PRKACB: variants seen among roughly 807,000 people sequenced by gnomAD.
PRKACB encodes the protein cAMP-dependent protein kinase catalytic subunit beta.
In PRKACB, 16 loss-of-function variants were observed where a neutral mutation model predicts 51.4. The ratio of observed to expected loss-of-function variants is 0.31; its 90% CI spans 0.21 to 0.47. The LOEUF (loss-of-function observed/expected upper bound fraction) is 0.47, where lower values mean the gene tolerates loss of function less well. Ranked by LOEUF, PRKACB falls within the 20% of genes least tolerant of loss-of-function variation. The pLI is 1.00. For synonymous variants in PRKACB, 147 were observed against 154.4 expected (o/e 0.95, Z 0.35); for missense variants, 309 against 464.5 (o/e 0.67, Z 3.08).
intron 1 of PRKACB, among the ~76,000 whole-genome samples, chr1:84,107,819 A>T (rs1649902779): frequency 6.6e-6 from 1 of 152,162 alleles, no homozygotes; most frequent in Non-Finnish European, 1.5e-5. Flanking sequence ...GCTATTATTA[A>T]AGAGTAAAAA....
intron 1 of PRKACB, among the ~76,000 whole-genome samples, chr1:84,119,148 G>C (rs1170779229): frequency 6.6e-6 from 1 of 152,016 alleles, no homozygotes; most frequent in African/African-American, 2.4e-5. Context: ...CTTACAGTAT[G>C]AATATGATTT....
In PRKACB at chr1:84,214,256, G is replaced by T. The variant is rs1672551524; in HGVS notation, c.1010G>T (p.Ser337Ile). The T allele has an allele frequency of 6.2e-7, 1 of 1,613,358 alleles. No individual in the cohort carries two copies. Among genetic ancestry groups the T allele is most frequent in the African/African-American group, 1.3e-5 (1 of 74,996 alleles). ...KRFGNLKNGV[S>I]DIKTHKWFAT... ...TTTGGAAATCTAAAGAATGGTGTCAGTGATATAAAAACTCACAAGTGGTTT... is the reference window on the plus strand; with the variant it reads ...TTTGGAAATCTAAAGAATGGTGTCATTGATATAAAAACTCACAAGTGGTTT... Residue 337 changes from serine (S) to isoleucine (I), a missense_variant, in exon 9 of 10, where the codon AGT becomes ATT. By Grantham distance (142) the Ser-to-Ile change is moderately radical. Around this residue, in one of 3 missense-constraint regions of PRKACB, gnomAD observed 96 missense variants for 129.9 expected, o/e 0.74. Coordinates refer to ENST00000370685, the MANE Select transcript of PRKACB (RefSeq NM_182948.4).
At chr1:84,218,534 A>G (rs1420689746) in intron 9 of PRKACB, among the ~76,000 whole-genome samples, 1 of 151,976 alleles carries the variant, frequency 6.6e-6, no homozygotes, top group Non-Finnish European at 1.5e-5. Context: ...TATATATTAC[A>G]TTTTCTGTAC....
chr1:84,099,158 C>T (rs545147138), intron 1 of PRKACB, among the ~76,000 whole-genome samples: 2 of 152,028 alleles, frequency 1.3e-5, no homozygotes, highest in South Asian at 4.2e-4. Context: ...CAATTAACTA[C>T]AAATAATCCA....
intron 9 of PRKACB, among the ~76,000 whole-genome samples, chr1:84,220,211 T>G (rs1402860697): frequency 6.6e-6 from 1 of 152,186 alleles, no homozygotes; most frequent in Non-Finnish European, 1.5e-5. Context: ...TTTATTTTTT[T>G]GTAGCTATTA....
chr1:84,094,427 T>C (rs1202659542), intron 1 of PRKACB, among the ~76,000 whole-genome samples: 7 of 151,996 alleles, frequency 4.6e-5, no homozygotes, highest in Admixed American at 2.6e-4. Context: ...TAATAGTGAA[T>C]TTGGTTTGCT....
intron 9 of PRKACB, among the ~76,000 whole-genome samples, chr1:84,225,842 G>A (rs1250565954): frequency 6.6e-6 from 1 of 152,160 alleles, no homozygotes; most frequent in African/African-American, 2.4e-5. Flanking sequence ...GTCCCAGCTA[G>A]GCCAGCTGCT....
intron 9 of PRKACB, among the ~76,000 whole-genome samples, chr1:84,229,720 T>C (rs1339001578): frequency 1.3e-5 from 2 of 150,580 alleles, no homozygotes; most frequent in African/African-American, 4.8e-5. Flanking sequence ...TTTGGCTGCA[T>C]AAATGTCTTC....
chr1:84,202,458 C>T (rs1341088063), intron 7 of PRKACB, among the ~76,000 whole-genome samples: 1 of 152,002 alleles, frequency 6.6e-6, no homozygotes, highest in African/African-American at 2.4e-5. Context: ...AGATTTAATA[C>T]TCTTTCCTAA....
intron 1 of PRKACB, among the ~76,000 whole-genome samples, chr1:84,129,752 T>G (rs1219761952): frequency 6.6e-6 from 1 of 152,166 alleles, no homozygotes; most frequent in Non-Finnish European, 1.5e-5. Context: ...AAAGTAGCTG[T>G]AGAAAGACTT....
chr1:84,106,255 G>C (rs1649738353), intron 1 of PRKACB, among the ~76,000 whole-genome samples: 1 of 151,990 alleles, frequency 6.6e-6, no homozygotes, highest in South Asian at 2.1e-4. Context: ...TGGAAGTCCT[G>C]GCCAGAACAA....
At chr1:84,108,679 G>A (rs977885892) in intron 1 of PRKACB, among the ~76,000 whole-genome samples, 3 of 152,010 alleles carry the variant, frequency 2.0e-5, no homozygotes, top group Non-Finnish European at 4.4e-5. Context: ...TAGTTGTTAA[G>A]TAATGTGCCC....
At chr1:84,211,354 AT>A (rs1558292911) in intron 8 of PRKACB, among the ~76,000 whole-genome samples, 1 of 152,152 alleles carries the variant, frequency 6.6e-6, no homozygotes, top group Non-Finnish European at 1.5e-5. Context: ...CACAAATTTA[AT>A]CTTAAATATA....
intron 1 of PRKACB, among the ~76,000 whole-genome samples, chr1:84,088,462 T>C (rs111298830): frequency 1.3e-4 from 20 of 152,312 alleles, no homozygotes; most frequent in African/African-American, 4.1e-4. Context: ...TCTTCTTAAG[T>C]AGATGACCAT....
intron 5 of PRKACB, among the ~76,000 whole-genome samples, chr1:84,189,534 A>G (rs1666146322): frequency 6.6e-6 from 1 of 151,868 alleles, no homozygotes; most frequent in African/African-American, 2.4e-5. Context: ...GCAAAAAGAT[A>G]TACCTTTCAA....
intron 4 of PRKACB, 117 bp downstream of exon 4, chr1:84,184,252 A>T (rs2101019447): frequency 1.2e-6 from 1 of 830,524 alleles, no homozygotes; most frequent in South Asian, 2.4e-5. Context: ...AACAAAACGA[A>T]TACCTCTAGA....
At chr1:84,181,024 TA>T (rs771261836) in intron 2 of PRKACB, among the ~76,000 whole-genome samples, 15 of 152,014 alleles carry the variant, frequency 9.9e-5, no homozygotes, top group Non-Finnish European at 1.8e-4. Flanking sequence ...TCTGTGTTGA[TA>T]AAAAAATCTT....
intron 1 of PRKACB, among the ~76,000 whole-genome samples, chr1:84,130,487 T>C (rs1355175389): frequency 6.6e-6 from 1 of 152,126 alleles, no homozygotes; most frequent in East Asian, 1.9e-4. Flanking sequence ...CAGGAAAACA[T>C]TTGTTTAATA....
At chr1:84,143,792 A>G (rs1260946714), upstream of PRKACB, among the ~76,000 whole-genome samples, 1 of 152,088 alleles carries the variant, frequency 6.6e-6, no homozygotes, top group East Asian at 1.9e-4. Flanking sequence ...TTAAAGTGCT[A>G]TTTCACATTG....
Sources: allele counts gnomAD v4.1 joint callset (sites outside exome capture counted in the v4.1 genomes callset), GRCh38; gene constraint gnomAD v4.1.1; regional missense constraint gnomAD v4.1.1; transcripts MANE v1.5; gene names NCBI Gene and HGNC (gene_info 2026-07-23, HGNC 2026-07-21).